The following CTNNA2 variants were observed in gnomAD, a reference collection of about 807,000 sequenced individuals.
CTNNA2 encodes the protein catenin alpha-2.
Under a neutral mutation model 101.0 loss-of-function variants are expected in CTNNA2, and 42 were observed. That is an observed-to-expected ratio of 0.42 (90% CI 0.32 to 0.54). CTNNA2 has a LOEUF of 0.54. CTNNA2 is among the 20% of genes least tolerant of loss of function. The probability of loss-of-function intolerance (pLI) is 0.14; values close to 1 mark genes in which losing one functional copy is unlikely to be tolerated. For synonymous variants in CTNNA2, 450 were observed against 456.4 expected (o/e 0.99, Z 0.18); for missense variants, 871 against 1,223.1 (o/e 0.71, Z 4.29).
chr2:79,912,488 G>A (rs944051088), intron 7 of CTNNA2, among the ~76,000 whole-genome samples: 1 of 152,220 alleles, frequency 6.6e-6, no homozygotes, highest in Non-Finnish European at 1.5e-5. Context: ...GATGTCAACA[G>A]AATTGTGCAG....
At chr2:79,511,396 A>G (rs1211870664), upstream of CTNNA2, among the ~76,000 whole-genome samples, 1 of 152,042 alleles carries the variant, frequency 6.6e-6, no homozygotes, top group Non-Finnish European at 1.5e-5. Flanking sequence ...CACTCTTTAT[A>G]CCTTTTGGCA....
chr2:79,831,161 T>A (rs1678895926), intron 3 of CTNNA2, among the ~76,000 whole-genome samples: 2 of 152,130 alleles, frequency 1.3e-5, no homozygotes, highest in Admixed American at 1.3e-4. Flanking sequence ...AAATTCTGTT[T>A]TCTCATTATA....
chr2:79,451,434 A>G (rs1573172103), intron 4 of CTNNA2, among the ~76,000 whole-genome samples: 1 of 152,124 alleles, frequency 6.6e-6, no homozygotes, highest in Non-Finnish European at 1.5e-5. Flanking sequence ...TTTATAAATA[A>G]AGATTGGTGC....
intron 1 of CTNNA2, among the ~76,000 whole-genome samples, chr2:79,559,155 A>G (rs1408749711): frequency 2.6e-5 from 4 of 151,946 alleles, no homozygotes; most frequent in African/African-American, 9.7e-5. Flanking sequence ...TAATTTGAGA[A>G]GCTGAACTTT....
At chr2:79,243,584 A>G (rs1444027431) in intron 2 of CTNNA2, among the ~76,000 whole-genome samples, 1 of 152,154 alleles carries the variant, frequency 6.6e-6, no homozygotes, top group Admixed American at 6.5e-5. Flanking sequence ...GGTGGTGAAA[A>G]CACAAATACG....
At chr2:80,597,999 G>A (rs767797945) in intron 15 of CTNNA2, among the ~76,000 whole-genome samples, 12 of 152,108 alleles carry the variant, frequency 7.9e-5, no homozygotes, top group Non-Finnish European at 1.6e-4. Flanking sequence ...AAAGACACTT[G>A]CATATATGTA....
At chr2:79,684,904 G>C (rs1683831688) in intron 2 of CTNNA2, among the ~76,000 whole-genome samples, 1 of 152,044 alleles carries the variant, frequency 6.6e-6, no homozygotes, top group African/African-American at 2.4e-5. Context: ...GCCTCTGTGA[G>C]CTCCGCCCTC....
chr2:79,881,812 A>C (rs1374742103), intron 6 of CTNNA2, among the ~76,000 whole-genome samples: 1 of 149,930 alleles, frequency 6.7e-6, no homozygotes, highest in Non-Finnish European at 1.5e-5. Context: ...TTAAATTTAA[A>C]CTTAGTATTG....
intron 9 of CTNNA2, among the ~76,000 whole-genome samples, chr2:80,456,393 C>A (rs908125008): frequency 2.6e-5 from 4 of 152,158 alleles, no homozygotes; most frequent in Non-Finnish European, 2.9e-5. Context: ...GAATCACCAG[C>A]AATACTGCAA....
At chr2:79,413,843 T>C (rs1263429588) in intron 4 of CTNNA2, among the ~76,000 whole-genome samples, 3 of 151,666 alleles carry the variant, frequency 2.0e-5, no homozygotes, top group Non-Finnish European at 4.4e-5. Context: ...TTCACAAAAC[T>C]ATTGGCCATT....
chr2:79,216,670 G>A (rs59170103), intron 2 of CTNNA2, among the ~76,000 whole-genome samples: 30,842 of 147,418 alleles, frequency 0.21, 3,627 homozygotes, highest in African/African-American at 0.31. Flanking sequence ...CTAGAAAAGC[G>A]GTACTTGTGG....
intron 4 of CTNNA2, among the ~76,000 whole-genome samples, chr2:79,395,508 A>G (rs1573145318): frequency 6.6e-6 from 1 of 152,222 alleles, no homozygotes; most frequent in African/African-American, 2.4e-5. Context: ...TGCCAGAAAT[A>G]ATGTGCAGAA....
chr2:79,782,362 A>T (rs4594467), intron 3 of CTNNA2, among the ~76,000 whole-genome samples: 5,636 of 152,024 alleles, frequency 0.037, 280 homozygotes, highest in East Asian at 0.17. Context: ...CCAGCCTCCC[A>T]AGTAGCTGGG....
At chr2:79,963,892 T>C (rs553388850) in intron 7 of CTNNA2, among the ~76,000 whole-genome samples, 19 of 152,346 alleles carry the variant, frequency 1.2e-4, no homozygotes, top group Non-Finnish European at 2.6e-4. Context: ...TTCTGACTGA[T>C]GTCTAGCCAT....
chr2:80,146,927 A>G (rs11126752), intron 7 of CTNNA2, among the ~76,000 whole-genome samples: 57,758 of 141,962 alleles, frequency 0.41, 12,754 homozygotes, highest in Non-Finnish European at 0.52. Flanking sequence ...TAATTTTTGT[A>G]TTTTGTATTT....
intron 7 of CTNNA2, among the ~76,000 whole-genome samples, chr2:80,246,149 C>T (rs1263622600): frequency 6.6e-6 from 1 of 152,070 alleles, no homozygotes; most frequent in Admixed American, 6.6e-5. Flanking sequence ...ATTGGGCACT[C>T]CTTCAGATAG....
At chr2:80,330,963 G>T (rs372441300) in intron 7 of CTNNA2, among the ~76,000 whole-genome samples, 1 of 151,492 alleles carries the variant, frequency 6.6e-6, no homozygotes, top group East Asian at 1.9e-4. Context: ...TTCTATTTTG[G>T]TTCCAAAAGG....
At chr2:79,502,756 G>C (rs1671333841) in intron 4 of CTNNA2, among the ~76,000 whole-genome samples, 1 of 152,112 alleles carries the variant, frequency 6.6e-6, no homozygotes, top group South Asian at 2.1e-4. Context: ...TTTGAAACAG[G>C]CTCCCTAGCT....
rs908282448 is a variant in CTNNA2 at position 79,884,613 on chromosome 2, T to C, written c.852+10271T>C. ...GCACTTGAGGAATAAGACATTCTATTCTCAACCACATTAAGCTGAAATGTT... is the reference window on the plus strand; with the variant it reads ...GCACTTGAGGAATAAGACATTCTATCCTCAACCACATTAAGCTGAAATGTT... On this transcript the variant is annotated intron_variant, in intron 6 of 18. Transcript: ENST00000402739. 1.8e-4 allele frequency among the ~76,000 whole-genome samples: 28 copies of C among 152,166 alleles called. 1 individual carries two copies. Among genetic ancestry groups the C allele is most frequent in the Admixed American group, 7.9e-4 (12 of 15,258 alleles).
Sources: gnomAD v4.1 joint callset for allele counts (sites outside exome capture counted in the v4.1 genomes callset) on GRCh38, gnomAD v4.1.1 for gene constraint, MANE v1.5 for transcripts, NCBI Gene and HGNC (gene_info 2026-07-23, HGNC 2026-07-21) for gene names.